ZNF189: variants seen among roughly 807,000 people sequenced by gnomAD.
ZNF189 encodes zinc finger protein 189.
Under a neutral mutation model 53.5 loss-of-function variants are expected in ZNF189, and 33 were observed. The ratio of observed to expected loss-of-function variants is 0.62; its 90% confidence interval spans 0.47 to 0.82. The LOEUF (loss-of-function observed/expected upper bound fraction) is 0.82. Among genes scored for constraint, ZNF189 ranks in the 40% least tolerant of loss-of-function variants. ZNF189 has a pLI of 0.00. For missense variants in ZNF189, 711 were observed against 753.9 expected (o/e 0.94, Z 0.67); for synonymous variants, 247 against 238.8 (o/e 1.03, Z -0.32).
intron 1 of ZNF189, 111 bp from the exon 2 acceptor site, chr9:101,399,773 C>A: frequency 6.6e-7 from 1 of 1,510,734 alleles, no homozygotes; most frequent in Non-Finnish European, 9.0e-7. Flanking sequence ...TTTCAGTTAT[C>A]ATGTTCCTCC....
chr9:101,403,571 C>T (rs751334923), intron 2 of ZNF189, among the ~76,000 whole-genome samples: 8 of 152,346 alleles, frequency 5.3e-5, no homozygotes, highest in Middle Eastern at 3.4e-3. Context: ...TTAATAGCTA[C>T]ATCGATGATA....
intron 2 of ZNF189, among the ~76,000 whole-genome samples, chr9:101,407,068 C>T (rs924919413): frequency 2.0e-5 from 3 of 152,204 alleles, no homozygotes; most frequent in African/African-American, 7.2e-5. Flanking sequence ...TTTCTTAATA[C>T]TTATTTTATT....
rs1171942654 is a variant in ZNF189 at position 101,409,067 on chromosome 9, T to C, written c.1299T>C (p.Thr433=). 8 of 1,613,790 alleles carry C rather than the reference T, an allele frequency of 5.0e-6. No individual in the cohort carries two copies. The highest frequency in any genetic ancestry group is 6.8e-6 in the Non-Finnish European group (8 of 1,179,954). ...AGAAGACTTATCCATACAATGAAAC[T>C]AAGGAAAGTTTTGATCCAAATTGCA... ...TREKTYPYNE[T]KESFDPNCSL... The change falls in exon 3 of 3, where the codon ACT becomes ACC. Residue 433 remains threonine (T), a synonymous_variant. Transcript: ENST00000339664.
At chr9:101,400,342 C>A (rs756406321) in intron 2 of ZNF189, among the ~76,000 whole-genome samples, 2 of 152,148 alleles carry the variant, frequency 1.3e-5, no homozygotes, top group Non-Finnish European at 2.9e-5. Context: ...TCCTTCCCTC[C>A]TGGCCTTAAC....
intron 2 of ZNF189, among the ~76,000 whole-genome samples, chr9:101,403,461 C>T (rs1830604065): frequency 6.6e-6 from 1 of 152,216 alleles, no homozygotes; most frequent in Admixed American, 6.5e-5. Flanking sequence ...TTCTCTTCTA[C>T]ATCATCTTAA....
At position 101,399,837 on chromosome 9, in the gene ZNF189, T is replaced by C. The variant is rs116824027; in HGVS notation, c.34-47T>C. ...CCTCTGTCACTTTTAGTGGTAGAAT[T>C]GTCCTTGAGACAACAGGAACTGACT... On this transcript the variant is annotated intron_variant, in intron 1 of 2. Coordinates refer to ENST00000339664, the MANE Select transcript of ZNF189 (RefSeq NM_003452.4). The C allele has an allele frequency of 2.3e-3, 3,709 of 1,611,954 alleles. 85 individuals are homozygous for C. The African/African-American group carries it at 0.044, about 19-fold the overall frequency.
chr9:101,399,022 A>G lies in ZNF189; in HGVS notation c.-135A>G. On this transcript the variant is annotated 5_prime_UTR_variant, in exon 1 of 3. Transcript: ENST00000339664. ...TGGGGTCGTGACCGTCTGGGGGCCG[A>G]GGCAGGCACTGGCCAGACCCAGCCA... 1.3e-6 allele frequency: 1 copy of G among 742,288 alleles called. No individual in the cohort carries two copies. The highest frequency in any genetic ancestry group is 2.5e-6 in the Non-Finnish European group (1 of 407,236). The allele number at this position is 742,288 out of a possible 1,614,324, so 46.0% of individuals were successfully genotyped here. A position where few individuals can be genotyped will look rare whatever the true frequency, so the allele number is the denominator to read the frequency against.
rs570622966 is a variant in ZNF189 at position 101,406,943 on chromosome 9, A to G, written c.161-986A>G. On this transcript the variant is annotated intron_variant, in intron 2 of 2. Coordinates refer to ENST00000339664, the MANE Select transcript of ZNF189 (RefSeq NM_003452.4). ...AACAAGATGGTGAACCTTGGGTCTT[A>G]TATTGTTAGAGGGTTTAGAATCACA... is the stretch of plus-strand genomic sequence containing the variant. 5.3e-5 allele frequency among the ~76,000 whole-genome samples: 8 copies of G among 152,288 alleles called. No individual in the cohort carries two copies. The East Asian group carries it at 1.5e-3, about 29-fold the overall frequency.
chr9:101,403,032 A>G (rs1242280469), intron 2 of ZNF189, among the ~76,000 whole-genome samples: 1 of 151,908 alleles, frequency 6.6e-6, no homozygotes, highest in African/African-American at 2.4e-5. Flanking sequence ...GCCTCTGCCT[A>G]TCTTTCTTGC....
chr9:101,405,562 G>T, intron 2 of ZNF189, among the ~76,000 whole-genome samples: 1 of 152,118 alleles, frequency 6.6e-6, no homozygotes, highest in East Asian at 1.9e-4. Context: ...TATCTGGAGG[G>T]TGTATATACA....
chr9:101,399,987 A>T lies in ZNF189; in HGVS notation c.137A>T (p.Asn46Ile). 1 of 1,614,188 alleles carries T rather than the reference A, an allele frequency of 6.2e-7. No homozygotes were observed. Among genetic ancestry groups the T allele is most frequent in the Non-Finnish European group, 8.5e-7 (1 of 1,180,032 alleles). The part of the protein sequence containing the change: ...RSLYKDVMME[N>I]YGNLVSLDVL... ...CTGTATAAAGATGTCATGATGGAGA[A>T]TTATGGAAACCTGGTCTCACTGGGT... Residue 46 changes from asparagine (N) to isoleucine (I), a missense_variant, in exon 2 of 3, where the codon AAT becomes ATT. Coordinates refer to ENST00000339664, the MANE Select transcript of ZNF189 (RefSeq NM_003452.4).
intron 2 of ZNF189, among the ~76,000 whole-genome samples, 159 bp from the exon 3 acceptor site, chr9:101,407,770 T>A (rs1830767409): frequency 6.6e-6 from 1 of 152,232 alleles, no homozygotes; most frequent in African/African-American, 2.4e-5. Flanking sequence ...TTAATTTTCT[T>A]GAACTTAGTG....
intron 2 of ZNF189, among the ~76,000 whole-genome samples, chr9:101,402,165 C>T (rs146925020): frequency 6.6e-6 from 1 of 152,308 alleles, no homozygotes; most frequent in East Asian, 1.9e-4. Flanking sequence ...ATCCGCCCAC[C>T]TTGGCCTCCC....
chr9:101,400,499 TC>T (rs1389970758), intron 2 of ZNF189, among the ~76,000 whole-genome samples: 1 of 152,200 alleles, frequency 6.6e-6, no homozygotes, highest in East Asian at 1.9e-4. Flanking sequence ...TTAAATGCTG[TC>T]CCCAAAGCAT....
Position 101,399,290 on chromosome 9 carries a change from G to T in ZNF189, c.33+101G>T. ...CAGGCCCCCCACCAACCTCCTGACC[G>T]CCTCTTTAGGGCCAGCGCCTTGCAA... On this transcript the variant is annotated intron_variant, in intron 1 of 2. Coordinates refer to ENST00000339664, the MANE Select transcript of ZNF189 (RefSeq NM_003452.4). The T allele has an allele frequency of 1.4e-6, 2 of 1,428,078 alleles. No homozygotes were observed. The highest frequency in any genetic ancestry group is 1.9e-6 in the Non-Finnish European group (2 of 1,071,332). 88.5% of individuals were successfully genotyped at this position (1,428,078 alleles called of 1,614,324 possible). A position where few individuals can be genotyped will look rare whatever the true frequency, so the allele number is the denominator to read the frequency against.
Position 101,398,951 on chromosome 9 carries a change from G to A in ZNF189, c.-206G>A. 1 of 657,614 alleles carries A rather than the reference G, an allele frequency of 1.5e-6. No individual in the cohort carries two copies. The highest frequency in any genetic ancestry group is 2.4e-5 in the Admixed American group (1 of 42,280). 40.7% of individuals were successfully genotyped at this position (657,614 alleles called of 1,614,324 possible). On this transcript the variant is annotated 5_prime_UTR_variant, in exon 1 of 3. Transcript: ENST00000339664. Reference sequence around the variant, plus strand: ...CGTAACCAGGCAGGAGTAGGGGTTGGGGTTCGGGGTTGGGGGACAGCCAGG... The same window carrying A: ...CGTAACCAGGCAGGAGTAGGGGTTGAGGTTCGGGGTTGGGGGACAGCCAGG...
intron 2 of ZNF189, among the ~76,000 whole-genome samples, chr9:101,403,051 T>C (rs994558439): frequency 6.6e-6 from 1 of 152,032 alleles, no homozygotes; most frequent in Non-Finnish European, 1.5e-5. Flanking sequence ...GCCTCACCTG[T>C]TTTTTCCTGC....
rs370568016 is a variant in ZNF189 at position 101,408,016 on chromosome 9, T to C, written c.248T>C (p.Ile83Thr). 9.5e-5 allele frequency: 154 copies of C among 1,613,346 alleles called. No individual in the cohort carries two copies. Among genetic ancestry groups the C allele is most frequent in the Non-Finnish European group, 1.3e-4 (150 of 1,179,812 alleles). Reference sequence around the variant, plus strand: ...GAAGAAGTGGAACCACAGGGTGTAATAGTTACAAGAATCAAAAGTGAAATT... The same window carrying C: ...GAAGAAGTGGAACCACAGGGTGTAACAGTTACAAGAATCAAAAGTGAAATT... ...IEEEVEPQGVIVTRIKSEIDQ... is the reference protein window; with the variant it reads ...IEEEVEPQGVTVTRIKSEIDQ... The change falls in exon 3 of 3, where the codon ATA (isoleucine) becomes ACA (threonine). Residue 83 changes from isoleucine (I) to threonine (T), a missense_variant. By Grantham distance (89) the Ile-to-Thr change is moderately conservative. Coordinates refer to ENST00000339664, the MANE Select transcript of ZNF189 (RefSeq NM_003452.4).
At position 101,408,142 on chromosome 9, in the gene ZNF189, A is replaced by C. The variant is rs757901418; in HGVS notation, c.374A>C (p.Gln125Pro). 2 of 1,613,982 alleles carry C rather than the reference A, an allele frequency of 1.2e-6. No individual in the cohort carries two copies. Among genetic ancestry groups the C allele is most frequent in the African/African-American group, 2.7e-5 (2 of 74,936 alleles). Reference protein sequence around the residue: ...LWEIPRESLTQEQRMFRENTN... With the variant: ...LWEIPRESLTPEQRMFRENTN... ...GAAATACCAAGGGAATCTTTGACCC[A>C]GGAACAGAGAATGTTCAGAGAAAAC... Residue 125 changes from glutamine (Q) to proline (P), a missense_variant, in exon 3 of 3, where the codon CAG becomes CCG. Gln to Pro is a moderately conservative substitution (Grantham distance 76). Transcript: ENST00000339664.
Sources: allele counts gnomAD v4.1 joint callset (sites outside exome capture counted in the v4.1 genomes callset), GRCh38; gene constraint gnomAD v4.1.1; transcripts MANE v1.5; gene names NCBI Gene and HGNC (gene_info 2026-07-23, HGNC 2026-07-21).